Variants in ARHGEF25 observed in about 807,000 individuals in gnomAD.
The protein encoded by ARHGEF25 is Rho guanine nucleotide exchange factor 25, also known as RAC/CDC42 exchange factor.
A neutral mutation model predicts 74.0 loss-of-function variants in ARHGEF25; 42 were observed. The observed-to-expected ratio is 0.57, with a 90% CI of 0.44 to 0.73. The LOEUF (loss-of-function observed/expected upper bound fraction) is 0.73. Among genes scored for constraint, ARHGEF25 ranks in the 30% least tolerant of loss-of-function variants. The pLI is 0.00. For missense variants in ARHGEF25, 645 were observed against 725.5 expected (o/e 0.89, Z 1.27); for synonymous variants, 293 against 278.6 (o/e 1.05, Z -0.51).
upstream of ARHGEF25, chr12:57,610,117 G>T (rs141296665): frequency 4.7e-6 from 3 of 632,082 alleles, no homozygotes; most frequent in Non-Finnish European, 5.3e-6. Flanking sequence ...GCAGGGGGCG[G>T]ATTCCGCAGC....
intron 5 of ARHGEF25, 115 bp from the exon 6 acceptor site, chr12:57,613,901 C>A: frequency 5.5e-6 from 8 of 1,464,878 alleles, no homozygotes; most frequent in Non-Finnish European, 6.6e-6. Flanking sequence ...GGGGGCAGGG[C>A]GGCTCCCACC....
At chr12:57,610,444 G>A, upstream of ARHGEF25, 2 of 1,074,384 alleles carry the variant, frequency 1.9e-6, no homozygotes, top group Non-Finnish European at 1.3e-6. Context: ...TCTATTACGA[G>A]GGCCATAGCC....
chr12:57,616,498 AT>A lies in ARHGEF25; in HGVS notation c.1632+4del, dbSNP rs1884296672. 1.9e-6 allele frequency: 3 copies of A among 1,613,432 alleles called. No homozygotes were observed. The highest frequency in any genetic ancestry group is 2.5e-6 in the Non-Finnish European group (3 of 1,179,654). ...CCCTCTTGCCACTGGATAAACAGGT[AT>A]GACGAATAGAGCTCCCTCATTGTAG... On this transcript the variant is annotated splice_donor_region_variant and intron_variant, in intron 14 of 14. Coordinates refer to ENST00000286494, the MANE Select transcript of ARHGEF25 (RefSeq NM_182947.4).
Position 57,611,823 on chromosome 12 carries a change from T to A in ARHGEF25, c.-72T>A. The stretch of plus-strand genomic sequence containing the variant: ...GAGGGGGGGTGTGCGCCCGGCGCCG[T>A]CCCCGCCCCGCCCCCCGTGATTCCC... On this transcript the variant is annotated 5_prime_UTR_variant, in exon 1 of 15. Transcript: ENST00000286494. The surrounding 1 kb of genome is among the most constrained non-coding windows in gnomAD (Gnocchi z 4.5). 8.7e-7 allele frequency: 1 copy of A among 1,149,128 alleles called. No homozygotes were observed. The highest frequency in any genetic ancestry group is 1.1e-6 in the Non-Finnish European group (1 of 919,808). 71.2% of individuals were successfully genotyped at this position (1,149,128 alleles called of 1,614,324 possible).
At chr12:57,610,673 C>G, upstream of ARHGEF25, 7 of 1,609,818 alleles carry the variant, frequency 4.3e-6, no homozygotes, top group Non-Finnish European at 5.9e-6. Context: ...CTCGCCGGGG[C>G]TCTGCAGCCC....
At position 57,616,940 on chromosome 12, in the gene ARHGEF25, C is replaced by A; in HGVS notation, c.*46C>A. ...GGTGCTGACTCAGCCGCCTATTCCC[C>A]AAGGAGCTTCAGGGCAGTCCTTCTG... On this transcript the variant is annotated 3_prime_UTR_variant, in exon 15 of 15. Transcript: ENST00000286494. 1 of 1,461,410 alleles carries A rather than the reference C, an allele frequency of 6.8e-7. No individual in the cohort carries two copies. Among genetic ancestry groups the A allele is most frequent in the Non-Finnish European group, 9.6e-7 (1 of 1,045,222 alleles). The allele number at this position is 1,461,410 out of a possible 1,614,324, so 90.5% of individuals were successfully genotyped here.
Position 57,617,028 on chromosome 12 carries a change from T to C in ARHGEF25, c.*134T>C. 1 of 669,850 alleles carries C rather than the reference T, an allele frequency of 1.5e-6. No individual in the cohort carries two copies. The highest frequency in any genetic ancestry group is 2.5e-6 in the Non-Finnish European group (1 of 395,102). The allele number at this position is 669,850 out of a possible 1,614,324, so 41.5% of individuals were successfully genotyped here. On this transcript the variant is annotated 3_prime_UTR_variant, in exon 15 of 15. Coordinates refer to ENST00000286494, the MANE Select transcript of ARHGEF25 (RefSeq NM_182947.4). ...AGGGTGGGCAAGGCTGGGAGGGATA[T>C]CAACTTGGAGGAGAACACCTAGACC...
chr12:57,613,042 C>A lies in ARHGEF25; in HGVS notation c.210C>A (p.Gly70=). The change falls in exon 2 of 15, where the codon GGC becomes GGA. Residue 70 remains glycine, a synonymous_variant. Coordinates refer to ENST00000286494, the MANE Select transcript of ARHGEF25 (RefSeq NM_182947.4). ...SGLSSGPCSP[G]PPGPVSGLRR... is the part of the protein sequence containing the mutation. The stretch of plus-strand genomic sequence containing the variant: ...TCAGCTCTGGCCCCTGTTCCCCAGG[C>A]CCCCCAGGGCCCGTCAGTGGCCTGA... The A allele has an allele frequency of 1.9e-6, 3 of 1,614,092 alleles. No homozygotes were observed. Among genetic ancestry groups the A allele is most frequent in the Non-Finnish European group, 2.5e-6 (3 of 1,179,968 alleles).
Position 57,615,256 on chromosome 12 carries a change from G to T in ARHGEF25, c.980G>T (p.Cys327Phe). ...TCCCAGCAAGCTGTGGAGGTCATGT[G>T]CTTTGTGCCCAAGCGCTGCAACGAT... ...ADLEQAVEVM[C>F]FVPKRCNDMM... The change falls in exon 11 of 15, where the codon TGC becomes TTC. Residue 327 changes from cysteine to phenylalanine, a missense_variant. Around this residue, in one of 3 missense-constraint regions of ARHGEF25, gnomAD observed 194 missense variants for 269.4 expected, o/e 0.72. Transcript: ENST00000286494. 6.2e-7 allele frequency: 1 copy of T among 1,606,510 alleles called. No homozygotes were observed. The highest frequency in any genetic ancestry group is 8.5e-7 in the Non-Finnish European group (1 of 1,176,576).
Position 57,611,476 on chromosome 12 carries a change from G to C in ARHGEF25, c.-419G>C. 1 of 985,652 alleles carries C rather than the reference G, an allele frequency of 1.0e-6. No homozygotes were observed. The allele number at this position is 985,652 out of a possible 1,614,324, so 61.1% of individuals were successfully genotyped here. A position where few individuals can be genotyped will look rare whatever the true frequency, so the allele number is the denominator to read the frequency against. On this transcript the variant is annotated 5_prime_UTR_variant, in exon 1 of 15. Coordinates refer to ENST00000286494, the MANE Select transcript of ARHGEF25 (RefSeq NM_182947.4). The surrounding 1 kb of genome is among the most constrained non-coding windows in gnomAD (Gnocchi z 4.5). ...CGCTGGGACCCGCACAGCGCCAGTG[G>C]CTCGGGGGTCGGCCCTCGCCTCCTC...
chr12:57,614,550 A>G lies in ARHGEF25; in HGVS notation c.761A>G (p.Gln254Arg), dbSNP rs1884196287. The G allele has an allele frequency of 6.2e-7, 1 of 1,613,932 alleles. No individual in the cohort carries two copies. Among genetic ancestry groups the G allele is most frequent in the Non-Finnish European group, 8.5e-7 (1 of 1,180,022 alleles). ...RRLHMYVVYC[Q>R]NKPKSEHVVS... ...CTGCATATGTATGTGGTGTACTGTC[A>G]GAATAAGCCCAAGTCAGAGCATGTG... The change falls in exon 8 of 15, where the codon CAG becomes CGG. Residue 254 changes from glutamine (Q) to arginine (R), a missense_variant. Gln to Arg is a conservative substitution (Grantham distance 43). This residue lies in a region of ARHGEF25 where 194 missense variants were observed against 269.4 expected (regional missense o/e 0.72). Coordinates refer to ENST00000286494, the MANE Select transcript of ARHGEF25 (RefSeq NM_182947.4). The surrounding 1 kb of genome is among the most constrained non-coding windows in gnomAD (Gnocchi z 4.6).
chr12:57,612,743 TG>T, intron 1 of ARHGEF25, 186 bp from the exon 2 acceptor site: 2 of 1,474,082 alleles, frequency 1.4e-6, no homozygotes, highest in Non-Finnish European at 1.8e-6. Flanking sequence ...TACCTTACTG[TG>T]CTTTCTCCCA....
intron 1 of ARHGEF25, chr12:57,612,647 C>A: frequency 1.7e-6 from 2 of 1,189,990 alleles, no homozygotes; most frequent in Non-Finnish European, 2.1e-6. Context: ...CAGATGGCTG[C>A]CCCCACCCCC....
upstream of ARHGEF25, chr12:57,610,536 G>C (rs770781699): frequency 5.8e-6 from 9 of 1,563,350 alleles, no homozygotes; most frequent in African/African-American, 1.2e-4. Context: ...CTGCCTAGGA[G>C]GGCAGGTTCC....
upstream of ARHGEF25, chr12:57,610,529 C>T: frequency 6.5e-7 from 1 of 1,544,150 alleles, no homozygotes; most frequent in South Asian, 1.2e-5. Flanking sequence ...GTCAGGGCTG[C>T]CTAGGAGGGC....
At chr12:57,615,455 C>A (rs1884240782) in intron 11 of ARHGEF25, 57 bp from the exon 12 acceptor site, 3 of 1,607,556 alleles carry the variant, frequency 1.9e-6, no homozygotes, top group Non-Finnish European at 2.6e-6. Context: ...AAGGGAGGAG[C>A]AGAGAATTGT....
upstream of ARHGEF25, among the ~76,000 whole-genome samples, chr12:57,611,161 A>C (rs1020955002): frequency 5.9e-5 from 9 of 152,228 alleles, no homozygotes; most frequent in African/African-American, 1.9e-4. This position sits in a 1 kb window ranked among gnomAD's most constrained non-coding sequence, Gnocchi z 4.5. Flanking sequence ...GCAGAGGCCA[A>C]GGGGAGACCT....
Position 57,611,634 on chromosome 12 carries a change from CAG to C in ARHGEF25, c.-260_-259del. 9.4e-7 allele frequency: 1 copy of C among 1,063,650 alleles called. No homozygotes were observed. Among genetic ancestry groups the C allele is most frequent in the East Asian group, 6.0e-5 (1 of 16,534 alleles). The allele number at this position is 1,063,650 out of a possible 1,614,324, so 65.9% of individuals were successfully genotyped here. On this transcript the variant is annotated 5_prime_UTR_variant, in exon 1 of 15. Transcript: ENST00000286494. This position sits in a 1 kb window ranked among gnomAD's most constrained non-coding sequence, Gnocchi z 4.5. The stretch of plus-strand genomic sequence containing the variant: ...TCTGGACCCTAGGCCCCCGCACCGA[CAG>C]GGTTCCGGAAACCCTCCCCGCCCAG...
chr12:57,612,871 G>A (rs1011902979), intron 1 of ARHGEF25, 59 bp from the exon 2 acceptor site: 3 of 1,572,708 alleles, frequency 1.9e-6, no homozygotes, highest in Admixed American at 1.8e-5. Context: ...GTTCCCTGGG[G>A]ACCCTGAGTC....
Sources: gnomAD v4.1 joint callset for allele counts (sites outside exome capture counted in the v4.1 genomes callset) on GRCh38, gnomAD v4.1.1 for gene constraint, gnomAD v4.1.1 regional missense constraint, Gnocchi (gnomAD v3.1) non-coding constraint, MANE v1.5 for transcripts, NCBI Gene and HGNC (gene_info 2026-07-23, HGNC 2026-07-21) for gene names.